TRPC6: variants seen among roughly 807,000 people sequenced by gnomAD.
TRPC6 encodes the protein short transient receptor potential channel 6.
TRPC6 carries 55 observed loss-of-function variants against 90.7 expected under a neutral mutation model. The ratio of observed to expected loss-of-function variants is 0.61; its 90% CI spans 0.49 to 0.76. TRPC6 has a LOEUF of 0.76. Among genes scored for constraint, TRPC6 ranks in the 30% least tolerant of loss-of-function variants. TRPC6 has a pLI of 0.00. For missense variants in TRPC6, 989 were observed against 1,122.7 expected, an observed-to-expected ratio of 0.88 and a Z score of 1.70; for synonymous variants, 393 against 393.0, an observed-to-expected ratio of 1.00 and a Z score of 0.00.
At chr11:101,569,782 C>T (rs910759264) in intron 1 of TRPC6, among the ~76,000 whole-genome samples, 2 of 152,064 alleles carry the variant, frequency 1.3e-5, no homozygotes, top group Non-Finnish European at 2.9e-5. Flanking sequence ...GTGTAAATAA[C>T]AAAATTAAGG....
intron 1 of TRPC6, among the ~76,000 whole-genome samples, chr11:101,521,548 C>T (rs1210783992): frequency 6.6e-6 from 1 of 152,244 alleles, no homozygotes; most frequent in Non-Finnish European, 1.5e-5. Context: ...AGCCCCCACA[C>T]TGAGTCCCTA....
intron 9 of TRPC6, among the ~76,000 whole-genome samples, chr11:101,470,244 C>A (rs188034369): frequency 6.6e-6 from 1 of 152,124 alleles, no homozygotes; most frequent in Admixed American, 6.5e-5. Flanking sequence ...GCTCTTATAT[C>A]GAATTAAAAT....
At chr11:101,458,827 C>T (rs117310283) in intron 10 of TRPC6, among the ~76,000 whole-genome samples, 1 of 152,254 alleles carries the variant, frequency 6.6e-6, no homozygotes, top group East Asian at 1.9e-4. Flanking sequence ...TAACTAAATA[C>T]TTTAAAATTC....
At chr11:101,573,596 A>T (rs1355242791) in intron 1 of TRPC6, among the ~76,000 whole-genome samples, 3 of 152,162 alleles carry the variant, frequency 2.0e-5, no homozygotes, top group Non-Finnish European at 2.9e-5. Context: ...CAGATCATAA[A>T]CAATACTGTT....
At chr11:101,541,159 G>C (rs532272362) in intron 1 of TRPC6, among the ~76,000 whole-genome samples, 83 of 152,286 alleles carry the variant, frequency 5.5e-4, no homozygotes, top group Non-Finnish European at 8.7e-4. Flanking sequence ...GGATTCTTTA[G>C]TTATATTAAC....
At chr11:101,552,699 T>C (rs1193851724) in intron 1 of TRPC6, among the ~76,000 whole-genome samples, 1 of 152,112 alleles carries the variant, frequency 6.6e-6, no homozygotes, top group East Asian at 1.9e-4. Flanking sequence ...CTAATTAAGA[T>C]GATAAATGTC....
rs1019697259 is a variant in TRPC6, at chr11:101,567,179, G to C, written c.170+16155C>G. On this transcript the variant is annotated intron_variant, in intron 1 of 12. Transcript: ENST00000344327. ...TCACCTGGGTCACTCTAGCTAGGTG[G>C]GGGGAGGGGCGTCCGCTATTGCTGA... Among the ~76,000 whole-genome samples, 4 of 152,256 alleles carry C rather than the reference G, an allele frequency of 2.6e-5. No individual in the cohort carries two copies. In the East Asian group the frequency reaches 5.8e-4, roughly 22 times the overall value.
At chr11:101,536,000 T>C (rs991948106) in intron 1 of TRPC6, among the ~76,000 whole-genome samples, 1 of 130,176 alleles carries the variant, frequency 7.7e-6, no homozygotes, top group Non-Finnish European at 1.9e-5. Context: ...TCAGCATTGC[T>C]ATGTGCTAGG....
At chr11:101,470,504 C>T (rs1179689851) in intron 9 of TRPC6, among the ~76,000 whole-genome samples, 1 of 152,162 alleles carries the variant, frequency 6.6e-6, no homozygotes, top group Non-Finnish European at 1.5e-5. Context: ...TCTAAATGCT[C>T]AGCAGAGATC....
At chr11:101,574,022 G>T (rs1862022792) in intron 1 of TRPC6, among the ~76,000 whole-genome samples, 1 of 149,038 alleles carries the variant, frequency 6.7e-6, no homozygotes. Flanking sequence ...GATTTGTTTA[G>T]CAACATTCTG....
At chr11:101,494,494 T>TA (rs1189814668) in intron 2 of TRPC6, among the ~76,000 whole-genome samples, 4 of 152,270 alleles carry the variant, frequency 2.6e-5, no homozygotes, top group East Asian at 3.9e-4. Context: ...CTCTTGACAT[T>TA]AAAAAAATAC....
intron 1 of TRPC6, among the ~76,000 whole-genome samples, chr11:101,508,396 C>T (rs116262769): frequency 1.3e-5 from 2 of 152,062 alleles, no homozygotes; most frequent in African/African-American, 2.4e-5. Flanking sequence ...GTCTGAGTTA[C>T]GGTGAGTTTC....
Position 101,490,810 on chromosome 11 carries a change from C to T in TRPC6, c.1128+746G>A, listed in dbSNP as rs527877955. 7.9e-5 allele frequency among the ~76,000 whole-genome samples: 12 copies of T among 152,166 alleles called. No individual in the cohort carries two copies. In the South Asian group the frequency reaches 2.5e-3, roughly 32 times the overall value. On this transcript the variant is annotated intron_variant, in intron 3 of 12. Coordinates refer to ENST00000344327, the MANE Select transcript of TRPC6 (RefSeq NM_004621.6). ...AAGAAAGCAGAGAATGGGGCCAGTGCTTGAAGAGAGAGACTAAAAATATTC... is the reference window on the plus strand; with the variant it reads ...AAGAAAGCAGAGAATGGGGCCAGTGTTTGAAGAGAGAGACTAAAAATATTC...
chr11:101,495,001 C>T (rs10791478), intron 2 of TRPC6, among the ~76,000 whole-genome samples: 63,860 of 151,980 alleles, frequency 0.42, 14,291 homozygotes, highest in African/African-American at 0.59. Context: ...TTGGTGGTAG[C>T]TCATTAGCCA....
At chr11:101,463,282 C>T (rs10791475) in intron 10 of TRPC6, among the ~76,000 whole-genome samples, 46,985 of 151,898 alleles carry the variant, frequency 0.31, 9,432 homozygotes, top group African/African-American at 0.58. Flanking sequence ...TTTTCTGTTG[C>T]GTCTCTGCTA....
chr11:101,521,961 C>CT (rs1198482858), intron 1 of TRPC6, among the ~76,000 whole-genome samples: 2 of 152,092 alleles, frequency 1.3e-5, no homozygotes, highest in Non-Finnish European at 2.9e-5. Flanking sequence ...TTTTTGTTTA[C>CT]TTTACAGGCT....
At chr11:101,539,222 A>G (rs11224828) in intron 1 of TRPC6, among the ~76,000 whole-genome samples, 14,907 of 152,246 alleles carry the variant, frequency 0.098, 946 homozygotes, top group Admixed American at 0.17. Context: ...AAGGAGCCCT[A>G]AAGTCTCGGT....
intron 4 of TRPC6, among the ~76,000 whole-genome samples, chr11:101,488,023 A>T (rs1859716610): frequency 6.6e-6 from 1 of 152,200 alleles, no homozygotes; most frequent in Admixed American, 6.5e-5. Context: ...TTTGAAAATG[A>T]ATCATGCCCA....
chr11:101,544,150 T>G (rs537806291), intron 1 of TRPC6, among the ~76,000 whole-genome samples: 25 of 152,236 alleles, frequency 1.6e-4, no homozygotes, highest in African/African-American at 5.5e-4. Flanking sequence ...CACTCGTCAT[T>G]AGAGAAATGC....
Sources: gnomAD v4.1 joint callset for allele counts (sites outside exome capture counted in the v4.1 genomes callset) on GRCh38, gnomAD v4.1.1 for gene constraint, MANE v1.5 for transcripts, NCBI Gene and HGNC (gene_info 2026-07-23, HGNC 2026-07-21) for gene names.